Variants in ASIC2 observed in about 807,000 individuals in gnomAD.
The protein encoded by ASIC2 is acid sensing ion channel subunit 2, also known as acid-sensing ion channel 2.
ASIC2 carries 25 observed loss-of-function variants against 57.3 expected under a neutral mutation model. The ratio of observed to expected loss-of-function variants is 0.44; its 90% confidence interval spans 0.32 to 0.61. The LOEUF (loss-of-function observed/expected upper bound fraction) is 0.61. ASIC2 is among the 20% of genes least tolerant of loss of function. The pLI is 0.06. For missense variants in ASIC2, 641 were observed against 738.1 expected (o/e 0.87, Z 1.52); for synonymous variants, 319 against 307.5 (o/e 1.04, Z -0.39).
At chr17:33,338,160 T>G (rs1212837781) in intron 1 of ASIC2, among the ~76,000 whole-genome samples, 1 of 138,530 alleles carries the variant, frequency 7.2e-6, no homozygotes, top group South Asian at 2.3e-4. Flanking sequence ...AGATGTTCTG[T>G]AATGGCAAGG....
intron 1 of ASIC2, among the ~76,000 whole-genome samples, chr17:33,795,464 T>C (rs1310526667): frequency 6.6e-6 from 1 of 152,254 alleles, no homozygotes; most frequent in East Asian, 1.9e-4. Context: ...AACCTTGCCA[T>C]GTGCAAGTCT....
chr17:33,762,892 C>A (rs953620893), intron 1 of ASIC2, among the ~76,000 whole-genome samples: 6 of 152,178 alleles, frequency 3.9e-5, no homozygotes, highest in African/African-American at 1.4e-4. Flanking sequence ...ACTTCCAGTC[C>A]GTTGCGGGGC....
intron 1 of ASIC2, among the ~76,000 whole-genome samples, chr17:33,933,197 T>G (rs913854861): frequency 5.3e-5 from 8 of 152,172 alleles, no homozygotes; most frequent in African/African-American, 1.9e-4. Context: ...CCCTGGACAG[T>G]TGCATGCTTA....
intron 1 of ASIC2, among the ~76,000 whole-genome samples, chr17:33,115,630 CT>C (rs2092277982): frequency 6.6e-6 from 1 of 152,238 alleles, no homozygotes; most frequent in African/African-American, 2.4e-5. Flanking sequence ...TTGAAAGCCA[CT>C]TTCTCAGAGA....
In ASIC2 at chr17:33,125,394, G is replaced by A. The variant is rs961232366; in HGVS notation, c.709-13327C>T. Among the ~76,000 whole-genome samples the A allele has an allele frequency of 4.6e-5, 7 of 152,348 alleles. No homozygotes were observed. In the East Asian group the frequency reaches 1.3e-3, roughly 29 times the overall value. ...CTCATGCCTTACTGTCTCATCCTGG[G>A]AGACTAGAATCCCAGGGGAGTGTGG... On this transcript the variant is annotated intron_variant, in intron 1 of 9. Transcript: ENST00000225823.
intron 1 of ASIC2, among the ~76,000 whole-genome samples, chr17:33,747,443 G>A (rs1910302396): frequency 6.6e-6 from 1 of 152,012 alleles, no homozygotes; most frequent in Non-Finnish European, 1.5e-5. Flanking sequence ...GGCTGGTCTT[G>A]AACTCCAGAG....
chr17:33,313,114 C>G (rs1365963328), intron 1 of ASIC2, among the ~76,000 whole-genome samples: 1 of 151,972 alleles, frequency 6.6e-6, no homozygotes, highest in Non-Finnish European at 1.5e-5. Context: ...TCAAGACCAG[C>G]CTGGGCAATG....
At chr17:33,457,918 C>G (rs985343750) in intron 1 of ASIC2, among the ~76,000 whole-genome samples, 1 of 152,166 alleles carries the variant, frequency 6.6e-6, no homozygotes, top group Non-Finnish European at 1.5e-5. Flanking sequence ...TGGTCAAAGA[C>G]CTTGCACCCA....
At chr17:33,685,386 G>T (rs1020066670) in intron 1 of ASIC2, among the ~76,000 whole-genome samples, 2 of 152,212 alleles carry the variant, frequency 1.3e-5, no homozygotes, top group South Asian at 2.1e-4. Context: ...CAGCCAGAAG[G>T]CTTCTGTCTC....
At chr17:33,156,193 T>A (rs913418701) in intron 1 of ASIC2, among the ~76,000 whole-genome samples, 1 of 151,728 alleles carries the variant, frequency 6.6e-6, no homozygotes. Context: ...AGTGGCATGA[T>A]CTTGGCTCAC....
intron 1 of ASIC2, among the ~76,000 whole-genome samples, chr17:33,756,017 A>G (rs553545018): frequency 1.1e-4 from 16 of 152,368 alleles, no homozygotes; most frequent in African/African-American, 3.4e-4. Context: ...GCATGTGTGC[A>G]TGGTCAGTAC....
intron 1 of ASIC2, among the ~76,000 whole-genome samples, chr17:33,849,046 T>C (rs1291712090): frequency 6.6e-6 from 1 of 152,210 alleles, no homozygotes; most frequent in African/African-American, 2.4e-5. Context: ...TTCAGAAAAT[T>C]GGCCTAATTT....
intron 1 of ASIC2, among the ~76,000 whole-genome samples, chr17:33,471,851 C>T (rs1389564907): frequency 6.6e-6 from 1 of 151,908 alleles, no homozygotes; most frequent in Non-Finnish European, 1.5e-5. Context: ...CTGTGTTAAA[C>T]CATTTATATG....
rs553532486 is a variant in ASIC2 at position 33,078,941 on chromosome 17, G to A, written c.987+9922C>T. On this transcript the variant is annotated intron_variant, in intron 3 of 9. Coordinates refer to ENST00000225823, the MANE Select transcript of ASIC2 (RefSeq NM_183377.2). Reference sequence around the variant, plus strand: ...GCTCAAGGCCTAAGTGGGGCAGTGTGTAGATGAGAGGGGGCTGTGTGCTGG... The same window carrying A: ...GCTCAAGGCCTAAGTGGGGCAGTGTATAGATGAGAGGGGGCTGTGTGCTGG... Among the ~76,000 whole-genome samples the A allele has an allele frequency of 7.9e-5, 12 of 152,312 alleles. No homozygotes were observed. In the South Asian group the frequency reaches 2.3e-3, roughly 29 times the overall value.
intron 1 of ASIC2, among the ~76,000 whole-genome samples, chr17:33,781,453 T>C (rs1049329596): frequency 6.6e-6 from 1 of 152,108 alleles, no homozygotes; most frequent in African/African-American, 2.4e-5. Flanking sequence ...GTGGGTGGGA[T>C]TGGGAGGCAG....
At chr17:33,661,640 T>C (rs1389481300) in intron 1 of ASIC2, among the ~76,000 whole-genome samples, 1 of 152,260 alleles carries the variant, frequency 6.6e-6, no homozygotes, top group East Asian at 1.9e-4. Flanking sequence ...CTTTGCCTTA[T>C]GCTCTGCTAG....
At chr17:33,516,407 A>AGTGTGTGAGTGTGT (rs56689100) in intron 1 of ASIC2, among the ~76,000 whole-genome samples, 28 of 148,236 alleles carry the variant, frequency 1.9e-4, no homozygotes, top group Non-Finnish European at 3.1e-4. Flanking sequence ...TGTGAGTGTG[A>AGTGTGTGAGTGTGT]GTGTGTGTGT....
intron 1 of ASIC2, among the ~76,000 whole-genome samples, chr17:33,465,287 G>C (rs1264910721): frequency 6.6e-6 from 1 of 152,082 alleles, no homozygotes; most frequent in East Asian, 1.9e-4. Flanking sequence ...TTGTTCCTTG[G>C]GCTGAAAATA....
intron 1 of ASIC2, among the ~76,000 whole-genome samples, chr17:33,628,964 T>C (rs565747888): frequency 6.6e-6 from 1 of 152,176 alleles, no homozygotes; most frequent in African/African-American, 2.4e-5. Context: ...GTGTTGGGAA[T>C]ACAGCATGGA....
Sources: allele counts gnomAD v4.1 joint callset (sites outside exome capture counted in the v4.1 genomes callset), GRCh38; gene constraint gnomAD v4.1.1; transcripts MANE v1.5; gene names NCBI Gene and HGNC (gene_info 2026-07-23, HGNC 2026-07-21).